The following JAZF1 variants were observed in gnomAD, a reference collection of about 807,000 sequenced individuals.
The protein encoded by JAZF1 is juxtaposed with another zinc finger protein 1.
Under a neutral mutation model 26.4 loss-of-function variants are expected in JAZF1, and 8 were observed. That is an observed-to-expected ratio of 0.30 (90% CI 0.18 to 0.55). JAZF1 has a LOEUF of 0.55. JAZF1 is among the 20% of genes least tolerant of loss of function. The probability of loss-of-function intolerance (pLI) is 0.94; values close to 1 mark genes in which losing one functional copy is unlikely to be tolerated. For missense variants in JAZF1, 199 were observed against 322.0 expected (o/e 0.62, Z 2.92); for synonymous variants, 126 against 122.3 (o/e 1.03, Z -0.20).
At chr7:28,055,547 C>T (rs1194522325) in intron 1 of JAZF1, among the ~76,000 whole-genome samples, 1 of 152,078 alleles carries the variant, frequency 6.6e-6, no homozygotes, top group Non-Finnish European at 1.5e-5. Context: ...TTTCCAGCTT[C>T]CTCCAAATGA....
chr7:28,118,943 C>T (rs1419203225), intron 1 of JAZF1, among the ~76,000 whole-genome samples: 1 of 152,166 alleles, frequency 6.6e-6, no homozygotes, highest in South Asian at 2.1e-4. Flanking sequence ...CAACAAAATA[C>T]CCCTACATAA....
At chr7:27,986,288 C>G (rs900258077) in intron 2 of JAZF1, among the ~76,000 whole-genome samples, 28 of 152,164 alleles carry the variant, frequency 1.8e-4, no homozygotes, top group Non-Finnish European at 3.8e-4. Flanking sequence ...AATCAATGTG[C>G]AAAAATCACA....
rs894942410 is a variant in JAZF1 at position 27,832,993 on chromosome 7, A to T, written c.556-17T>A. Reference sequence around the variant, plus strand: ...ATTCACATTCTGTGGAGAAGACAAAAATATTTATTACATGGATTCACAGGA... The same window carrying T: ...ATTCACATTCTGTGGAGAAGACAAATATATTTATTACATGGATTCACAGGA... On this transcript the variant is annotated splice_polypyrimidine_tract_variant and intron_variant, in intron 4 of 4. Coordinates refer to ENST00000283928, the MANE Select transcript of JAZF1 (RefSeq NM_175061.4). 2 of 1,531,794 alleles carry T rather than the reference A, an allele frequency of 1.3e-6. No individual in the cohort carries two copies. Among genetic ancestry groups the T allele is most frequent in the Non-Finnish European group, 8.8e-7 (1 of 1,134,560 alleles). The allele number at this position is 1,531,794 out of a possible 1,614,324, so 94.9% of individuals were successfully genotyped here.
At chr7:27,982,169 G>A (rs924916976) in intron 2 of JAZF1, among the ~76,000 whole-genome samples, 1 of 152,224 alleles carries the variant, frequency 6.6e-6, no homozygotes, top group Non-Finnish European at 1.5e-5. Flanking sequence ...CACCCAGGAA[G>A]TGCAAGAGGT....
intron 1 of JAZF1, among the ~76,000 whole-genome samples, chr7:28,062,902 C>T (rs1407806125): frequency 2.6e-5 from 4 of 152,164 alleles, no homozygotes; most frequent in Non-Finnish European, 5.9e-5. Flanking sequence ...TTCATATAGT[C>T]ATCTACTCTT....
intron 1 of JAZF1, among the ~76,000 whole-genome samples, chr7:28,162,834 A>C (rs1450285876): frequency 6.6e-6 from 1 of 152,218 alleles, no homozygotes; most frequent in Non-Finnish European, 1.5e-5. Context: ...CAGGCAAAAT[A>C]TGCAAGTGAA....
intron 1 of JAZF1, among the ~76,000 whole-genome samples, chr7:28,038,033 G>A (rs572816309): frequency 2.0e-5 from 3 of 152,254 alleles, no homozygotes; most frequent in East Asian, 1.9e-4. Context: ...AAAATAAAAA[G>A]CTTTTTTTCT....
chr7:27,849,717 AGTTTC>A, intron 3 of JAZF1, among the ~76,000 whole-genome samples: 1 of 147,684 alleles, frequency 6.8e-6, no homozygotes, highest in Non-Finnish European at 1.5e-5. Context: ...AATCACTGTC[AGTTTC>A]ATGAATCAAT....
chr7:28,045,616 G>T (rs1286207047), intron 1 of JAZF1, among the ~76,000 whole-genome samples: 1 of 152,088 alleles, frequency 6.6e-6, no homozygotes. Context: ...TCACTCTGTC[G>T]CCAAGTTTGG....
chr7:28,062,064 A>G (rs968780261), intron 1 of JAZF1, among the ~76,000 whole-genome samples: 2 of 152,334 alleles, frequency 1.3e-5, no homozygotes, highest in African/African-American at 4.8e-5. Flanking sequence ...TGAACCCTGC[A>G]AGAGAAATGA....
intron 1 of JAZF1, among the ~76,000 whole-genome samples, chr7:28,164,029 G>A (rs143458164): frequency 6.2e-4 from 94 of 152,332 alleles, no homozygotes; most frequent in Middle Eastern, 3.4e-3. Context: ...AAGCTTCTGT[G>A]GTTTGGCTTG....
chr7:27,842,038 C>T (rs1379374605), intron 3 of JAZF1: 2 of 152,104 alleles, frequency 1.3e-5, no homozygotes, highest in African/African-American at 4.8e-5. Context: ...TATTTCAACA[C>T]CAAATATTGG....
In JAZF1 at chr7:27,951,389, T is replaced by C. The variant is rs190869913; in HGVS notation, c.188+40520A>G. On this transcript the variant is annotated intron_variant, in intron 2 of 4. Coordinates refer to ENST00000283928, the MANE Select transcript of JAZF1 (RefSeq NM_175061.4). ...AATTGTATAGGTCTCTATTTAATAA[T>C]GCAATTTTTTTGCCAGGTTCTAAGG... Among the ~76,000 whole-genome samples, 492 of 152,206 alleles carry C rather than the reference T, an allele frequency of 3.2e-3. 2 individuals are homozygous for C. The highest frequency in any genetic ancestry group is 5.3e-3 in the Non-Finnish European group (359 of 68,034).
chr7:27,978,552 T>C (rs189699079), intron 2 of JAZF1, among the ~76,000 whole-genome samples: 72 of 152,290 alleles, frequency 4.7e-4, no homozygotes, highest in African/African-American at 1.7e-3. Flanking sequence ...CAAAAAGCCA[T>C]TCTGAATAAA....
intron 1 of JAZF1, among the ~76,000 whole-genome samples, chr7:28,129,390 C>T (rs1782753449): frequency 6.6e-6 from 1 of 151,974 alleles, no homozygotes. Flanking sequence ...ACTTGTGATG[C>T]CTAATAAGAA....
intron 3 of JAZF1, among the ~76,000 whole-genome samples, chr7:27,885,189 A>T (rs150067462): frequency 6.6e-5 from 10 of 152,190 alleles, no homozygotes; most frequent in Non-Finnish European, 2.9e-5. Flanking sequence ...CCCAAATTGG[A>T]TAGCACAAAG....
At chr7:27,869,529 C>T (rs1583439592) in intron 3 of JAZF1, among the ~76,000 whole-genome samples, 1 of 152,156 alleles carries the variant, frequency 6.6e-6, no homozygotes, top group South Asian at 2.1e-4. Flanking sequence ...CCTCCCCATG[C>T]TTCCGAGACA....
intron 1 of JAZF1, among the ~76,000 whole-genome samples, chr7:28,088,092 G>T (rs914049622): frequency 6.6e-6 from 1 of 152,122 alleles, no homozygotes; most frequent in African/African-American, 2.4e-5. Context: ...AACAGAAACA[G>T]CCTGAAAACC....
At chr7:27,906,634 C>G (rs1784263061) in intron 2 of JAZF1, among the ~76,000 whole-genome samples, 1 of 152,182 alleles carries the variant, frequency 6.6e-6, no homozygotes, top group Non-Finnish European at 1.5e-5. Context: ...TTACTTTAGC[C>G]TGAATAAAAT....
Sources: gnomAD v4.1 joint callset for allele counts (sites outside exome capture counted in the v4.1 genomes callset) on GRCh38, gnomAD v4.1.1 for gene constraint, MANE v1.5 for transcripts, NCBI Gene and HGNC (gene_info 2026-07-23, HGNC 2026-07-21) for gene names.